Variants in ZNF804A observed in about 807,000 individuals in gnomAD.
ZNF804A encodes zinc finger protein 804A.
A neutral mutation model predicts 16.5 loss-of-function variants in ZNF804A; 2 were observed. The ratio of observed to expected loss-of-function variants is 0.12; its 90% CI spans 0.05 to 0.38. ZNF804A has a LOEUF of 0.38. Among genes scored for constraint, ZNF804A ranks in the 10% least tolerant of loss-of-function variants. The pLI, the probability that ZNF804A is intolerant of heterozygous loss-of-function variation, is 0.99. For synonymous variants in ZNF804A, 534 were observed against 489.6 expected (o/e 1.09, Z -1.20); for missense variants, 1,473 against 1,390.7 (o/e 1.06, Z -0.94).
chr2:184,844,175 C>A (rs189954020), intron 1 of ZNF804A, among the ~76,000 whole-genome samples: 1,389 of 113,094 alleles, frequency 0.012, 23 homozygotes, highest in African/African-American at 0.05. Flanking sequence ...CCTAATTATA[C>A]CCCCCCCCAT....
chr2:184,782,711 A>C lies in ZNF804A; in HGVS notation c.112-83658A>C, dbSNP rs891025132. On this transcript the variant is annotated intron_variant, in intron 1 of 3. Coordinates refer to ENST00000302277, the MANE Select transcript of ZNF804A (RefSeq NM_194250.2). ...CTATATATAGGATATATATATATAT[A>C]TCCTCTTAGTTTTGTCCTTCTAGAG... Among the ~76,000 whole-genome samples the C allele has an allele frequency of 4.0e-5, 6 of 148,324 alleles. No homozygotes were observed. In the Admixed American group the frequency reaches 4.1e-4, roughly 10 times the overall value.
intron 2 of ZNF804A, among the ~76,000 whole-genome samples, chr2:184,868,010 T>C (rs1375214857): frequency 1.3e-5 from 2 of 152,114 alleles, no homozygotes; most frequent in East Asian, 3.9e-4. Context: ...TTACTAAAGT[T>C]AGCCCAAGGG....
intron 1 of ZNF804A, among the ~76,000 whole-genome samples, chr2:184,824,880 T>C (rs1362488792): frequency 6.6e-6 from 1 of 151,972 alleles, no homozygotes; most frequent in Non-Finnish European, 1.5e-5. Flanking sequence ...TTTCACAGCA[T>C]AACGACCAAG....
At chr2:184,925,112 G>T (rs748366054) in intron 2 of ZNF804A, among the ~76,000 whole-genome samples, 18 of 151,928 alleles carry the variant, frequency 1.2e-4, no homozygotes, top group African/African-American at 4.3e-4. Context: ...TGGAATATTC[G>T]TGCAATGCTG....
At chr2:184,656,302 G>A (rs533973193) in intron 1 of ZNF804A, among the ~76,000 whole-genome samples, 1 of 152,086 alleles carries the variant, frequency 6.6e-6, no homozygotes, top group African/African-American at 2.4e-5. Context: ...TATTTCATTT[G>A]TAAAGTAATA....
chr2:184,651,142 C>T (rs1336536539), intron 1 of ZNF804A, among the ~76,000 whole-genome samples: 2 of 151,960 alleles, frequency 1.3e-5, no homozygotes. Context: ...AAAAGCCATA[C>T]ACCTACAACC....
At chr2:184,899,167 T>G (rs1290598855) in intron 2 of ZNF804A, among the ~76,000 whole-genome samples, 1 of 151,948 alleles carries the variant, frequency 6.6e-6, no homozygotes, top group Non-Finnish European at 1.5e-5. Context: ...TCTATTCTAA[T>G]TAGTCTACTA....
chr2:184,908,300 C>A (rs1041468274), intron 2 of ZNF804A, among the ~76,000 whole-genome samples: 7 of 152,052 alleles, frequency 4.6e-5, no homozygotes, highest in Non-Finnish European at 1.0e-4. Context: ...ATCATTGAAT[C>A]TCTCTCTCTT....
intron 1 of ZNF804A, among the ~76,000 whole-genome samples, chr2:184,835,266 C>T (rs534475401): frequency 1.3e-5 from 2 of 152,048 alleles, no homozygotes; most frequent in African/African-American, 4.8e-5. Flanking sequence ...AGGTACTGGT[C>T]CTTGCAGACC....
At chr2:184,830,529 GGC>G (rs1277703846) in intron 1 of ZNF804A, among the ~76,000 whole-genome samples, 4 of 152,092 alleles carry the variant, frequency 2.6e-5, no homozygotes, top group African/African-American at 9.7e-5. Flanking sequence ...ATTTGAGACA[GGC>G]ATTTTTGAGA....
At chr2:184,683,808 A>G (rs1368502966) in intron 1 of ZNF804A, among the ~76,000 whole-genome samples, 4 of 152,204 alleles carry the variant, frequency 2.6e-5, no homozygotes, top group African/African-American at 9.7e-5. Context: ...TAACATAGCA[A>G]AAAATTCAAT....
chr2:184,796,838 T>A (rs753391274), intron 1 of ZNF804A, among the ~76,000 whole-genome samples: 15 of 152,156 alleles, frequency 9.9e-5, no homozygotes, highest in Non-Finnish European at 1.5e-5. Context: ...TTACTGTTGT[T>A]CAATTTGAAG....
At chr2:184,848,570 T>C (rs1695556854) in intron 1 of ZNF804A, among the ~76,000 whole-genome samples, 1 of 152,074 alleles carries the variant, frequency 6.6e-6, no homozygotes, top group African/African-American at 2.4e-5. Flanking sequence ...TGAACAAGTG[T>C]GTTATGCAAA....
At chr2:184,743,606 TG>T (rs1472791911) in intron 1 of ZNF804A, among the ~76,000 whole-genome samples, 1 of 151,930 alleles carries the variant, frequency 6.6e-6, no homozygotes, top group Non-Finnish European at 1.5e-5. Context: ...TGGAATGCAT[TG>T]CATGACACTA....
At chr2:184,754,543 TG>T (rs1416570452) in intron 1 of ZNF804A, among the ~76,000 whole-genome samples, 1 of 151,898 alleles carries the variant, frequency 6.6e-6, no homozygotes, top group Non-Finnish European at 1.5e-5. Flanking sequence ...TCTTTATAAA[TG>T]TTTTTTAAAT....
intron 1 of ZNF804A, among the ~76,000 whole-genome samples, chr2:184,839,239 T>C (rs1193794770): frequency 6.6e-6 from 1 of 152,108 alleles, no homozygotes; most frequent in Non-Finnish European, 1.5e-5. Flanking sequence ...AAACAAATGA[T>C]GTCATGCTAC....
chr2:184,793,011 G>A (rs999408541), intron 1 of ZNF804A, among the ~76,000 whole-genome samples: 7 of 152,002 alleles, frequency 4.6e-5, no homozygotes, highest in African/African-American at 1.7e-4. Context: ...ATGTATAAGT[G>A]AGAACATGTA....
At chr2:184,633,807 C>A (rs1691653031) in intron 1 of ZNF804A, among the ~76,000 whole-genome samples, 1 of 152,066 alleles carries the variant, frequency 6.6e-6, no homozygotes, top group Non-Finnish European at 1.5e-5. Context: ...CTTAAGAATT[C>A]CCCCAGCCTC....
chr2:184,759,065 T>C (rs180920482), intron 1 of ZNF804A, among the ~76,000 whole-genome samples: 189 of 151,546 alleles, frequency 1.2e-3, no homozygotes, highest in Non-Finnish European at 2.3e-3. Context: ...ATATATGTAA[T>C]ATGTAAGCTG....
Sources: gnomAD v4.1 joint callset for allele counts (sites outside exome capture counted in the v4.1 genomes callset) on GRCh38, gnomAD v4.1.1 for gene constraint, MANE v1.5 for transcripts, NCBI Gene and HGNC (gene_info 2026-07-23, HGNC 2026-07-21) for gene names.